The following GATA4 variants were observed in gnomAD, a reference collection of about 807,000 sequenced individuals.
The protein encoded by GATA4 is GATA binding protein 4, also known as transcription factor GATA-4.
GATA4 carries 7 observed loss-of-function variants against 37.9 expected under a neutral mutation model. The observed-to-expected ratio is 0.18, with a 90% CI of 0.11 to 0.35. The LOEUF (loss-of-function observed/expected upper bound fraction) is 0.35, where lower values mean the gene tolerates loss of function less well. GATA4 is among the 10% of genes least tolerant of loss of function. The probability of loss-of-function intolerance (pLI) is 1.00; values close to 1 mark genes in which losing one functional copy is unlikely to be tolerated. For synonymous variants in GATA4, 372 were observed against 292.6 expected (o/e 1.27, Z -2.77); for missense variants, 647 against 653.0 (o/e 0.99, Z 0.10).
At chr8:11,710,003 A>G (rs1299318115) in intron 2 of GATA4, among the ~76,000 whole-genome samples, 1 of 152,102 alleles carries the variant, frequency 6.6e-6, no homozygotes, top group African/African-American at 2.4e-5. Context: ...TTTATTGACC[A>G]CCTACTAAGT....
At chr8:11,750,770 TAAAAAAA>T (rs1195090785) in intron 4 of GATA4, among the ~76,000 whole-genome samples, 1,168 of 88,788 alleles carry the variant, frequency 0.013, 17 homozygotes, top group African/African-American at 0.053. Context: ...TTGTCTCTAC[TAAAAAAA>T]AAAAAAAAAA....
intron 2 of GATA4, 66 bp from the exon 3 acceptor site, chr8:11,748,850 T>G: frequency 2.5e-6 from 4 of 1,568,794 alleles, no homozygotes; most frequent in Non-Finnish European, 2.6e-6. Flanking sequence ...TTCTCAGATG[T>G]GAGAGCTGGG....
intron 2 of GATA4, among the ~76,000 whole-genome samples, chr8:11,745,568 A>G (rs1801990145): frequency 1.3e-5 from 2 of 152,066 alleles, no homozygotes; most frequent in African/African-American, 4.8e-5. Context: ...CCTGGGGGAC[A>G]GAGTGAGACC....
chr8:11,739,565 C>A (rs547064276), intron 2 of GATA4, among the ~76,000 whole-genome samples: 2 of 151,456 alleles, frequency 1.3e-5, no homozygotes, highest in Non-Finnish European at 2.9e-5. Context: ...AGATAATTCT[C>A]ACAGCTGAAT....
At chr8:11,750,017 C>A in intron 3 of GATA4, 94 bp from the exon 4 acceptor site, 1 of 1,586,554 alleles carries the variant, frequency 6.3e-7, no homozygotes, top group East Asian at 2.2e-5. Flanking sequence ...CCCTGCCTCC[C>A]GTTAGGGAGG....
At chr8:11,739,930 C>G (rs1056153042) in intron 2 of GATA4, among the ~76,000 whole-genome samples, 3 of 152,210 alleles carry the variant, frequency 2.0e-5, no homozygotes, top group Admixed American at 6.5e-5. Context: ...GCCCCTTGCT[C>G]CTGGACCCTC....
At position 11,708,394 on chromosome 8, in the gene GATA4, C is replaced by A. The variant is rs1406275331; in HGVS notation, c.82C>A (p.His28Asn). The change falls in exon 2 of 7, where the codon CAC becomes AAC. Residue 28 changes from histidine to asparagine, a missense_variant. Physicochemically the swap from His to Asn is moderately conservative, Grantham distance 68. Transcript: ENST00000532059. This position sits in a 1 kb window ranked among gnomAD's most constrained non-coding sequence, Gnocchi z 6.7. ...GGCGGGCGGCCCCGGCGCCTTCATG[C>A]ACGGCGCGGGCGCCGCGTCCTCGCC... is the stretch of plus-strand genomic sequence containing the variant. ...YEAGGPGAFM[H>N]GAGAASSPVY... The A allele has an allele frequency of 6.5e-7, 1 of 1,545,596 alleles. No individual in the cohort carries two copies. Among genetic ancestry groups the A allele is most frequent in the Non-Finnish European group, 8.7e-7 (1 of 1,152,462 alleles).
chr8:11,683,835 C>T (rs1241360189), intron 1 of GATA4, among the ~76,000 whole-genome samples: 1 of 152,220 alleles, frequency 6.6e-6, no homozygotes, highest in African/African-American at 2.4e-5. Flanking sequence ...CTGGGCCAGG[C>T]CCCTACCTGT....
rs138487402 is a variant in GATA4 at position 11,751,997 on chromosome 8, G to T, written c.912+1761G>T. 1.7e-3 allele frequency among the ~76,000 whole-genome samples: 257 copies of T among 152,274 alleles called. 1 individual carries two copies. Among genetic ancestry groups the T allele is most frequent in the African/African-American group, 5.9e-3 (244 of 41,542 alleles). On this transcript the variant is annotated intron_variant, in intron 4 of 6. Coordinates refer to ENST00000532059, the MANE Select transcript of GATA4 (RefSeq NM_001308093.3). The stretch of plus-strand genomic sequence containing the variant: ...GATGACCTTTGAACCATTTATTGCT[G>T]CATTGTTTGTGGTGGCAAAAACTAG...
Position 11,759,691 on chromosome 8 carries a change from C to T in GATA4, c.*1216C>T, listed in dbSNP as rs1802797456. On this transcript the variant is annotated 3_prime_UTR_variant, in exon 7 of 7. Transcript: ENST00000532059. ...CTGCTCCGGGATCTGCCGCGTTCTC[C>T]TCTGCACATTGCTGTTTCTGCCCCT... The T allele has an allele frequency of 6.6e-6, 1 of 152,348 alleles. No individual in the cohort carries two copies. The highest frequency in any genetic ancestry group is 1.9e-4 in the East Asian group (1 of 5,206). 9.4% of individuals were successfully genotyped at this position (152,348 alleles called of 1,614,324 possible).
At chr8:11,677,887 T>A (rs1798833148) in intron 1 of GATA4, among the ~76,000 whole-genome samples, 1 of 152,088 alleles carries the variant, frequency 6.6e-6, no homozygotes, top group Non-Finnish European at 1.5e-5. Context: ...CAGAGCTTGG[T>A]GGCTAATGCT....
At chr8:11,744,074 C>G (rs1177881013) in intron 2 of GATA4, among the ~76,000 whole-genome samples, 1 of 152,218 alleles carries the variant, frequency 6.6e-6, no homozygotes, top group Non-Finnish European at 1.5e-5. Flanking sequence ...TGGTTCCTGG[C>G]TTGCAGTCTC....
intron 2 of GATA4, among the ~76,000 whole-genome samples, chr8:11,710,818 A>G (rs1800148315): frequency 6.6e-6 from 1 of 152,092 alleles, no homozygotes; most frequent in Non-Finnish European, 1.5e-5. Context: ...AGTTACATCC[A>G]GCAGTGTAAA....
chr8:11,719,120 T>C (rs191295373), intron 2 of GATA4, among the ~76,000 whole-genome samples: 2 of 152,380 alleles, frequency 1.3e-5, no homozygotes, highest in Admixed American at 1.3e-4. Flanking sequence ...GTTGTTGTTT[T>C]ATCAGCTTGG....
chr8:11,710,870 C>G (rs1800151601), intron 2 of GATA4, among the ~76,000 whole-genome samples: 1 of 152,106 alleles, frequency 6.6e-6, no homozygotes, highest in Non-Finnish European at 1.5e-5. Context: ...GCCTGTAATC[C>G]CAGCACTTTG....
intron 2 of GATA4, among the ~76,000 whole-genome samples, chr8:11,710,317 GCGA>G (rs1439350806): frequency 4.6e-5 from 7 of 152,148 alleles, no homozygotes; most frequent in Non-Finnish European, 1.0e-4. Context: ...GAGCCTCGCC[GCGA>G]CTTTTGCGAG....
intron 2 of GATA4, among the ~76,000 whole-genome samples, chr8:11,745,515 G>A (rs138956889): frequency 1.1e-3 from 173 of 152,144 alleles, no homozygotes; most frequent in African/African-American, 4.0e-3. Flanking sequence ...GAGCCTAGGA[G>A]GTTGAGGCTG....
intron 1 of GATA4, among the ~76,000 whole-genome samples, chr8:11,677,602 C>T (rs1452717599): frequency 6.6e-6 from 1 of 152,230 alleles, no homozygotes; most frequent in Non-Finnish European, 1.5e-5. Context: ...AAACCTGGCC[C>T]ATGTCAGACC....
intron 2 of GATA4, among the ~76,000 whole-genome samples, chr8:11,716,128 C>T (rs1171000140): frequency 2.0e-5 from 3 of 152,134 alleles, no homozygotes; most frequent in Non-Finnish European, 2.9e-5. Flanking sequence ...GGATGGACAC[C>T]TGAGTTGCTT....
Sources: allele counts gnomAD v4.1 joint callset (sites outside exome capture counted in the v4.1 genomes callset), GRCh38; gene constraint gnomAD v4.1.1; non-coding constraint Gnocchi (gnomAD v3.1); transcripts MANE v1.5; gene names NCBI Gene and HGNC (gene_info 2026-07-23, HGNC 2026-07-21).